IL36A: variants seen among roughly 807,000 people sequenced by gnomAD.
IL36A encodes the protein interleukin-36 alpha.
Under a neutral mutation model 12.7 loss-of-function variants are expected in IL36A, and 13 were observed. The observed-to-expected ratio is 1.02, with a 90% CI of 0.67 to 1.63. The LOEUF is 1.63. IL36A is among the 40% of genes most tolerant of loss of function. The pLI is 0.00. For missense variants in IL36A, 195 were observed against 192.9 expected (o/e 1.01, Z -0.07); for synonymous variants, 73 against 71.9 (o/e 1.01, Z -0.08).
intron 3 of IL36A, 62 bp from the exon 4 acceptor site, chr2:113,007,770 T>C (rs920166446): frequency 2.2e-6 from 3 of 1,356,834 alleles, no homozygotes; most frequent in Non-Finnish European, 2.1e-6. Flanking sequence ...TATCAGTGTG[T>C]AAAGAATGTG....
chr2:113,008,826 T>A (rs924916607), downstream of IL36A, among the ~76,000 whole-genome samples: 1 of 151,708 alleles, frequency 6.6e-6, no homozygotes, highest in African/African-American at 2.4e-5. Context: ...TTAAAAATTT[T>A]ATTATTATTA....
In IL36A at chr2:113,006,720, C is replaced by A. The variant is rs747458808; in HGVS notation, c.247C>A (p.Pro83Thr). The change falls in exon 3 of 4, where the codon CCC (proline) becomes ACC (threonine). Residue 83 changes from proline (P) to threonine (T), a missense_variant. Transcript: ENST00000259211. Reference sequence around the variant, plus strand: ...GATGTGTGCTAAAGTCGGGGACCAGCCCACACTGCAGCTGAAGGTGAGTGT... The same window carrying A: ...GATGTGTGCTAAAGTCGGGGACCAGACCACACTGCAGCTGAAGGTGAGTGT... Reference protein sequence around the residue: ...CLMCAKVGDQPTLQLKEKDIM... With the variant: ...CLMCAKVGDQTTLQLKEKDIM... The A allele has an allele frequency of 6.2e-7, 1 of 1,614,040 alleles. No individual in the cohort carries two copies. The highest frequency in any genetic ancestry group is 8.5e-7 in the Non-Finnish European group (1 of 1,179,980).
chr2:113,009,003 A>G (rs1027045855), downstream of IL36A, among the ~76,000 whole-genome samples: 1 of 109,724 alleles, frequency 9.1e-6, no homozygotes, highest in African/African-American at 3.6e-5. Context: ...CCGGTGTGTG[A>G]TGTTCCCCTT....
At chr2:113,010,806 G>T (rs1684714615), downstream of IL36A, among the ~76,000 whole-genome samples, 1 of 152,046 alleles carries the variant, frequency 6.6e-6, no homozygotes, top group African/African-American at 2.4e-5. Context: ...GTATACTCTT[G>T]TACAGATCTC....
chr2:113,008,046 G>A, downstream of IL36A: 1 of 1,612,718 alleles, frequency 6.2e-7, no homozygotes, highest in Non-Finnish European at 8.5e-7. Context: ...CTGTTTTAAG[G>A]TCAGTTGGGT....
chr2:113,008,808 T>TTC (rs1684685319), downstream of IL36A, among the ~76,000 whole-genome samples: 2 of 151,316 alleles, frequency 1.3e-5, no homozygotes, highest in African/African-American at 2.4e-5. Context: ...GAAGCTTTCT[T>TTC]TTTTTTTTTA....
downstream of IL36A, among the ~76,000 whole-genome samples, chr2:113,009,450 C>T (rs950133571): frequency 1.6e-4 from 24 of 150,786 alleles, no homozygotes; most frequent in African/African-American, 6.0e-4. Flanking sequence ...GAAAATGAAG[C>T]TTTCACCTAA....
chr2:113,009,429 G>A (rs1195129952), downstream of IL36A, among the ~76,000 whole-genome samples: 3 of 151,674 alleles, frequency 2.0e-5, no homozygotes, highest in Admixed American at 2.0e-4. Context: ...AACAACGATA[G>A]ACTGGATTAA....
At chr2:113,008,994 C>T (rs1445800025), downstream of IL36A, among the ~76,000 whole-genome samples, 16 of 129,972 alleles carry the variant, frequency 1.2e-4, no homozygotes, top group Admixed American at 8.6e-4. Context: ...CAACAGTCCC[C>T]GGTGTGTGAT....
At chr2:113,010,946 C>T (rs974176504), downstream of IL36A, among the ~76,000 whole-genome samples, 2 of 152,250 alleles carry the variant, frequency 1.3e-5, no homozygotes, top group South Asian at 2.1e-4. Context: ...TTTCAGATAT[C>T]GTATCTGTAA....
rs767478355 is a variant in IL36A, at chr2:113,006,708, GTC to G, written c.236_237del (p.Val79GlyfsTer54). ...CAATCTCTGCCTGATGTGTGCTAAA[GTC>G]GGGGACCAGCCCACACTGCAGCTGA... Reference protein sequence around the residue: ...GLNLCLMCAKVGDQPTLQLKE... With the variant: ...GLNLCLMCAKXGDQPTLQLKE... On this transcript the variant is annotated frameshift_variant, in exon 3 of 4. Coordinates refer to ENST00000259211, the MANE Select transcript of IL36A (RefSeq NM_014440.3). LOFTEE classifies it low-confidence loss of function (END_TRUNC). 6.2e-7 allele frequency: 1 copy of G among 1,614,154 alleles called. No homozygotes were observed. Among genetic ancestry groups the G allele is most frequent in the South Asian group, 1.1e-5 (1 of 91,084 alleles).
At chr2:113,009,755 C>G (rs761315252), downstream of IL36A, among the ~76,000 whole-genome samples, 2 of 152,156 alleles carry the variant, frequency 1.3e-5, no homozygotes, top group Non-Finnish European at 2.9e-5. Flanking sequence ...AATTTCACTC[C>G]CTATTTCAGT....
In IL36A at chr2:113,005,698, T is replaced by C; in HGVS notation, c.-174T>C. ...ACTGCATCCAACAAAGTAAGGGTGC[T>C]GGGTGAGTTCTGGGAGTATAGATTC... On this transcript the variant is annotated 5_prime_UTR_variant, in exon 1 of 4. Transcript: ENST00000259211. 1.4e-6 allele frequency: 1 copy of C among 694,312 alleles called. No homozygotes were observed. Among genetic ancestry groups the C allele is most frequent in the Non-Finnish European group, 2.6e-6 (1 of 385,310 alleles). The allele number at this position is 694,312 out of a possible 1,614,324, so 43.0% of individuals were successfully genotyped here.
downstream of IL36A, among the ~76,000 whole-genome samples, chr2:113,010,351 C>T (rs949031046): frequency 6.6e-6 from 1 of 152,218 alleles, no homozygotes; most frequent in African/African-American, 2.4e-5. Context: ...TTTCATTTCT[C>T]ATGGTTCCTA....
rs939347108 is a variant in IL36A at position 113,006,739 on chromosome 2, T to C, written c.264+2T>C. 1 of 1,613,734 alleles carries C rather than the reference T, an allele frequency of 6.2e-7. No homozygotes were observed. Among genetic ancestry groups the C allele is most frequent in the Non-Finnish European group, 8.5e-7 (1 of 1,179,874 alleles). ...GACCAGCCCACACTGCAGCTGAAGG[T>C]GAGTGTGGAAGACAGGTCCTGCCAT... On this transcript the variant is annotated splice_donor_variant, in intron 3 of 3. Transcript: ENST00000259211. LOFTEE classifies it high-confidence loss of function.
In IL36A at chr2:113,005,782, T is replaced by C; in HGVS notation, c.-90T>C. On this transcript the variant is annotated 5_prime_UTR_variant, in exon 1 of 4. Transcript: ENST00000259211. ...TTTCATCTGACCCAGGGTTAAACTG[T>C]GGCTTGGGACTGACTCAGGTCCTCT... The C allele has an allele frequency of 7.0e-7, 1 of 1,435,308 alleles. No individual in the cohort carries two copies. Among genetic ancestry groups the C allele is most frequent in the Non-Finnish European group, 9.8e-7 (1 of 1,017,216 alleles). 88.9% of individuals were successfully genotyped at this position (1,435,308 alleles called of 1,614,324 possible).
At chr2:113,006,824 A>G in intron 3 of IL36A, 87 bp downstream of exon 3, 1 of 1,410,184 alleles carries the variant, frequency 7.1e-7, no homozygotes, top group East Asian at 2.4e-5. Context: ...TATTATGCTC[A>G]TGCATTTTTA....
chr2:113,008,112 G>A (rs1684665656), downstream of IL36A: 28 of 1,326,490 alleles, frequency 2.1e-5, no homozygotes, highest in Middle Eastern at 6.8e-4. Flanking sequence ...CCTGGAATGG[G>A]CAGGGAGAAT....
chr2:113,007,679 T>C (rs530255810), intron 3 of IL36A, among the ~76,000 whole-genome samples, 153 bp from the exon 4 acceptor site: 203 of 152,354 alleles, frequency 1.3e-3, no homozygotes, highest in African/African-American at 4.6e-3. Context: ...ATTTAATTTA[T>C]ATGATTTTCA....
Sources: gnomAD v4.1 joint callset for allele counts (sites outside exome capture counted in the v4.1 genomes callset) on GRCh38, gnomAD v4.1.1 for gene constraint, MANE v1.5 for transcripts, NCBI Gene and HGNC (gene_info 2026-07-23, HGNC 2026-07-21) for gene names.